The following PTPRT variants were observed in gnomAD, a reference collection of about 807,000 sequenced individuals.
PTPRT encodes the protein receptor-type tyrosine-protein phosphatase T.
A neutral mutation model predicts 176.8 loss-of-function variants in PTPRT; 56 were observed. The observed-to-expected ratio is 0.32, with a 90% CI of 0.26 to 0.40. PTPRT has a LOEUF of 0.40. Ranked by LOEUF, PTPRT falls within the 10% of genes least tolerant of loss-of-function variation. The pLI, the probability that PTPRT is intolerant of heterozygous loss-of-function variation, is 1.00. For missense variants in PTPRT, 1,540 were observed against 1,908.2 expected (o/e 0.81, Z 3.60); for synonymous variants, 783 against 739.0 (o/e 1.06, Z -0.96).
At chr20:42,712,021 G>A (rs115161684) in intron 6 of PTPRT, among the ~76,000 whole-genome samples, 2,775 of 152,172 alleles carry the variant, frequency 0.018, 91 homozygotes, top group African/African-American at 0.063. Flanking sequence ...TCAAGTGGAA[G>A]CAGGGATGTC....
chr20:43,132,935 G>A (rs1162562648), intron 1 of PTPRT, among the ~76,000 whole-genome samples: 2 of 152,140 alleles, frequency 1.3e-5, no homozygotes, highest in Admixed American at 1.3e-4. Flanking sequence ...AAAAGGTAAA[G>A]TGTTTTATCA....
intron 21 of PTPRT, among the ~76,000 whole-genome samples, chr20:42,116,334 A>G (rs1200683703): frequency 6.6e-6 from 1 of 152,116 alleles, no homozygotes; most frequent in Non-Finnish European, 1.5e-5. Context: ...TCTTCTCACT[A>G]ATCATCCTGC....
chr20:42,279,854 G>A (rs972820354), intron 13 of PTPRT, among the ~76,000 whole-genome samples: 2 of 152,174 alleles, frequency 1.3e-5, no homozygotes, highest in African/African-American at 4.8e-5. Context: ...ACTCTCCAGG[G>A]TCAGGGACCA....
intron 2 of PTPRT, among the ~76,000 whole-genome samples, chr20:42,819,901 A>AT (rs1440299873): frequency 2.6e-5 from 4 of 152,200 alleles, no homozygotes; most frequent in Non-Finnish European, 2.9e-5. Flanking sequence ...CCAATACAGG[A>AT]GCACCCAGAT....
At chr20:42,810,618 A>G (rs1405779898) in intron 2 of PTPRT, among the ~76,000 whole-genome samples, 1 of 152,232 alleles carries the variant, frequency 6.6e-6, no homozygotes, top group Non-Finnish European at 1.5e-5. Flanking sequence ...CCTGGTGTCT[A>G]TAGTCCTTCA....
intron 8 of PTPRT, among the ~76,000 whole-genome samples, chr20:42,457,299 C>T (rs2070940747): frequency 6.6e-6 from 1 of 152,158 alleles, no homozygotes; most frequent in African/African-American, 2.4e-5. Flanking sequence ...TCTGGGAGAA[C>T]TAATACCTTT....
intron 7 of PTPRT, among the ~76,000 whole-genome samples, chr20:42,638,401 TACTC>T (rs1265238930): frequency 6.6e-6 from 1 of 152,112 alleles, no homozygotes; most frequent in Non-Finnish European, 1.5e-5. Context: ...CTTTTGAAGA[TACTC>T]ACCCTTCGCT....
At chr20:42,969,484 T>A (rs965431099) in intron 1 of PTPRT, 7 of 152,196 alleles carry the variant, frequency 4.6e-5, no homozygotes, top group African/African-American at 1.4e-4. Context: ...TGAACGTACA[T>A]GTACAAATAA....
At chr20:43,033,872 C>T (rs951884489) in intron 1 of PTPRT, among the ~76,000 whole-genome samples, 5 of 152,126 alleles carry the variant, frequency 3.3e-5, no homozygotes, top group African/African-American at 1.2e-4. Context: ...GGAATTGAAA[C>T]CCCGGAACAT....
At chr20:42,683,380 C>T (rs1356578638) in intron 6 of PTPRT, among the ~76,000 whole-genome samples, 3 of 152,018 alleles carry the variant, frequency 2.0e-5, no homozygotes, top group Non-Finnish European at 4.4e-5. Flanking sequence ...TGGGTTCAAG[C>T]GATTTTCCTG....
chr20:42,088,318 C>A (rs1056452595), intron 27 of PTPRT, among the ~76,000 whole-genome samples: 6 of 152,164 alleles, frequency 3.9e-5, no homozygotes, highest in African/African-American at 1.4e-4. Context: ...AAATAGGGGG[C>A]TAGATGGACA....
At chr20:42,506,402 C>A (rs1263929464) in intron 7 of PTPRT, among the ~76,000 whole-genome samples, 3 of 152,090 alleles carry the variant, frequency 2.0e-5, no homozygotes, top group Non-Finnish European at 4.4e-5. Flanking sequence ...CAGTTCATAT[C>A]TTGGGCCTTC....
intron 26 of PTPRT, among the ~76,000 whole-genome samples, chr20:42,101,163 T>G (rs1286684720): frequency 1.3e-5 from 2 of 152,102 alleles, no homozygotes; most frequent in African/African-American, 4.8e-5. Flanking sequence ...CAGGCAATGG[T>G]GTTCTTGGTT....
chr20:42,053,500 G>A, the PTPRT span, among the ~76,000 whole-genome samples: 3 of 152,198 alleles, frequency 2.0e-5, no homozygotes, highest in African/African-American at 7.2e-5. Flanking sequence ...CAGACAACGA[G>A]GGCATTTCTC....
chr20:42,510,409 T>C (rs78741383), intron 7 of PTPRT, among the ~76,000 whole-genome samples: 3,170 of 152,150 alleles, frequency 0.021, 48 homozygotes, highest in Middle Eastern at 0.054. Flanking sequence ...GCTTGGGTTA[T>C]AGTTTTAACT....
At chr20:42,860,233 A>C (rs966654523) in intron 2 of PTPRT, among the ~76,000 whole-genome samples, 2 of 152,072 alleles carry the variant, frequency 1.3e-5, no homozygotes, top group African/African-American at 4.8e-5. Context: ...ACACACACAC[A>C]CCCCTCTGTT....
chr20:42,481,764 C>T (rs1249229523), intron 7 of PTPRT, among the ~76,000 whole-genome samples: 1 of 142,006 alleles, frequency 7.0e-6, no homozygotes, highest in African/African-American at 2.7e-5. Context: ...AAGAAAAAAA[C>T]CATACACACA....
At chr20:42,356,771 G>A (rs1435193523) in intron 9 of PTPRT, among the ~76,000 whole-genome samples, 1 of 152,136 alleles carries the variant, frequency 6.6e-6, no homozygotes, top group African/African-American at 2.4e-5. Context: ...GATGAAGAAT[G>A]TGTCTCTGTC....
chr20:42,455,459 T>C (rs1181060013), intron 8 of PTPRT, among the ~76,000 whole-genome samples: 1 of 152,212 alleles, frequency 6.6e-6, no homozygotes, highest in African/African-American at 2.4e-5. Flanking sequence ...TGTATCCTTA[T>C]CTCAGGGTCT....
Sources: allele counts gnomAD v4.1 joint callset (sites outside exome capture counted in the v4.1 genomes callset), GRCh38; gene constraint gnomAD v4.1.1; transcripts MANE v1.5; gene names NCBI Gene and HGNC (gene_info 2026-07-23, HGNC 2026-07-21).